The following SPRING1 variants were observed in gnomAD, a reference collection of about 807,000 sequenced individuals.
The protein encoded by SPRING1 is SREBF pathway regulator in golgi 1.
SPRING1 carries 14 observed loss-of-function variants against 24.7 expected under a neutral mutation model. The observed-to-expected ratio is 0.57, with a 90% confidence interval of 0.37 to 0.88. SPRING1 has a LOEUF of 0.88. SPRING1 is among the 40% of genes least tolerant of loss of function. SPRING1 has a pLI of 0.00. For missense variants in SPRING1, 255 were observed against 268.4 expected (o/e 0.95, Z 0.35); for synonymous variants, 93 against 106.1 (o/e 0.88, Z 0.76).
chr12:116,731,105 A>G (rs1870954162), intron 1 of SPRING1, among the ~76,000 whole-genome samples: 1 of 152,252 alleles, frequency 6.6e-6, no homozygotes, highest in Non-Finnish European at 1.5e-5. Context: ...TTCATTCTAC[A>G]GGAAAGATAT....
At position 116,731,323 on chromosome 12, in the gene SPRING1, G is replaced by A. The variant is rs77724465; in HGVS notation, c.111+6467C>T. On this transcript the variant is annotated intron_variant, in intron 1 of 4. Transcript: ENST00000261318. ...CCATCAGTGGAAGTGTCAACAAGGT[G>A]AAAAAAGCAAATAACATTTTGTCGT... 5.4e-3 allele frequency among the ~76,000 whole-genome samples: 821 copies of A among 152,272 alleles called. 3 individuals are homozygous for A. Among genetic ancestry groups the A allele is most frequent in the African/African-American group, 0.019 (775 of 41,562 alleles).
intron 1 of SPRING1, among the ~76,000 whole-genome samples, chr12:116,736,005 C>T (rs1012716438): frequency 3.9e-5 from 4 of 101,878 alleles, no homozygotes; most frequent in Non-Finnish European, 7.7e-5. Flanking sequence ...CGTCCCACTG[C>T]ACTCCAGCCT....
rs1870802330 is a variant in SPRING1 at position 116,728,334 on chromosome 12, C to G, written c.112-5111G>C. 6.6e-6 allele frequency among the ~76,000 whole-genome samples: 1 copy of G among 152,192 alleles called. No individual in the cohort carries two copies. The highest frequency in any genetic ancestry group is 2.1e-4 in the South Asian group (1 of 4,832). On this transcript the variant is annotated intron_variant, in intron 1 of 4. Coordinates refer to ENST00000261318, the MANE Select transcript of SPRING1 (RefSeq NM_024738.4). This position sits in a 1 kb window ranked among gnomAD's most constrained non-coding sequence, Gnocchi z 4.2. ...ATAGGCTCTTGGAGGGGAGAGACGTCATCTGCTTTGCCCACTCTGTCTCTG... is the reference window on the plus strand; with the variant it reads ...ATAGGCTCTTGGAGGGGAGAGACGTGATCTGCTTTGCCCACTCTGTCTCTG...
At position 116,720,582 on chromosome 12, in the gene SPRING1, T is replaced by G. The variant is rs2270618; in HGVS notation, c.269-135A>C. The stretch of plus-strand genomic sequence containing the variant: ...GGCATCATCCTAAGCACCGGAGAGC[T>G]GGAAACTGGACATAATGTGAGTGGG... On this transcript the variant is annotated intron_variant, in intron 2 of 4. Coordinates refer to ENST00000261318, the MANE Select transcript of SPRING1 (RefSeq NM_024738.4). The surrounding 1 kb of genome is among the most constrained non-coding windows in gnomAD (Gnocchi z 4.0). 2 of 1,184,284 alleles carry G rather than the reference T, an allele frequency of 1.7e-6. No individual in the cohort carries two copies. Among genetic ancestry groups the G allele is most frequent in the African/African-American group, 3.1e-5 (2 of 64,876 alleles). The allele number at this position is 1,184,284 out of a possible 1,614,324, so 73.4% of individuals were successfully genotyped here. A position where few individuals can be genotyped will look rare whatever the true frequency, so the allele number is the denominator to read the frequency against.
At position 116,728,641 on chromosome 12, in the gene SPRING1, C is replaced by T. The variant is rs887956109; in HGVS notation, c.112-5418G>A. 2.0e-5 allele frequency among the ~76,000 whole-genome samples: 3 copies of T among 152,250 alleles called. No individual in the cohort carries two copies. The highest frequency in any genetic ancestry group is 7.2e-5 in the African/African-American group (3 of 41,470). ...CTGCGCCATGAGTTTCCAGTCTCAC[C>T]GCAGCGGAGCTAAGGTGCACGGGGA... On this transcript the variant is annotated intron_variant, in intron 1 of 4. Transcript: ENST00000261318. The surrounding 1 kb of genome is among the most constrained non-coding windows in gnomAD (Gnocchi z 4.2).
In SPRING1 at chr12:116,735,830, G is replaced by A. The variant is rs541500871; in HGVS notation, c.111+1960C>T. On this transcript the variant is annotated intron_variant, in intron 1 of 4. Coordinates refer to ENST00000261318, the MANE Select transcript of SPRING1 (RefSeq NM_024738.4). ...TGAGGTGGGTGGATCACCTGAGGTC[G>A]GGAGTTCAAGACCAGCCATGACCAA... Among the ~76,000 whole-genome samples the A allele has an allele frequency of 2.1e-4, 31 of 151,006 alleles. No homozygotes were observed. In the East Asian group the frequency reaches 3.9e-3, roughly 19 times the overall value.
Position 116,712,283 on chromosome 12 carries a change from A to T in SPRING1, c.*5527T>A, listed in dbSNP as rs1466375214. ...CATCAGGGACTGAGTCGTACACAGG[A>T]AGATCACTGAGTAGGTTCTGTGGAG... On this transcript the variant is annotated 3_prime_UTR_variant, in exon 5 of 5. Coordinates refer to ENST00000261318, the MANE Select transcript of SPRING1 (RefSeq NM_024738.4). 6.6e-6 allele frequency: 1 copy of T among 152,254 alleles called. No individual in the cohort carries two copies. 9.4% of individuals were successfully genotyped at this position (152,254 alleles called of 1,614,324 possible).
In SPRING1 at chr12:116,720,288, C is replaced by A; in HGVS notation, c.420+8G>T. ...AGGAGCCGCAGAACCAGGATCAACT[C>A]CCCATACCTTGTTGGGCTGCAGGCA... On this transcript the variant is annotated splice_region_variant and intron_variant, in intron 3 of 4. Coordinates refer to ENST00000261318, the MANE Select transcript of SPRING1 (RefSeq NM_024738.4). This position sits in a 1 kb window ranked among gnomAD's most constrained non-coding sequence, Gnocchi z 4.0. 6.2e-7 allele frequency: 1 copy of A among 1,605,984 alleles called. No individual in the cohort carries two copies. Among genetic ancestry groups the A allele is most frequent in the South Asian group, 1.1e-5 (1 of 89,768 alleles).
In SPRING1 at chr12:116,736,041, A is replaced by T. The variant is rs1421838358; in HGVS notation, c.111+1749T>A. 0.038 allele frequency among the ~76,000 whole-genome samples: 110 copies of T among 2,874 alleles called. 3 individuals carry two copies. In the East Asian group the frequency reaches 0.4, roughly 10 times the overall value. The allele number at this position is 2,874 out of a possible 152,430, so 1.9% of individuals were successfully genotyped here. The stretch of plus-strand genomic sequence containing the variant: ...GGGCAAGAGCAAAACTCAGTCTTTA[A>T]AAAAAAAAAAAAAAAAAAAAAAAAA... On this transcript the variant is annotated intron_variant, in intron 1 of 4. Coordinates refer to ENST00000261318, the MANE Select transcript of SPRING1 (RefSeq NM_024738.4).
Position 116,737,940 on chromosome 12 carries a change from C to T in SPRING1, c.-40G>A, listed in dbSNP as rs771997715. 174 of 1,384,272 alleles carry T rather than the reference C, an allele frequency of 1.3e-4. 1 individual carries two copies. Among genetic ancestry groups the T allele is most frequent in the Non-Finnish European group, 1.2e-4 (128 of 1,067,670 alleles). The allele number at this position is 1,384,272 out of a possible 1,614,324, so 85.7% of individuals were successfully genotyped here. On this transcript the variant is annotated 5_prime_UTR_variant, in exon 1 of 5. Transcript: ENST00000261318. ...GGGGCGCGGCGGCCGGGGCGCGGAA[C>T]GCGGCAGGCCCGGGTCCCGGGCGGC...
At chr12:116,734,972 T>C (rs913979488) in intron 1 of SPRING1, among the ~76,000 whole-genome samples, 1 of 152,116 alleles carries the variant, frequency 6.6e-6, no homozygotes, top group Non-Finnish European at 1.5e-5. Context: ...AAGACAAGAA[T>C]GGAAGCAGAG....
intron 4 of SPRING1, 140 bp downstream of exon 4, chr12:116,719,621 CAT>C: frequency 1.6e-6 from 1 of 636,650 alleles, no homozygotes; most frequent in Non-Finnish European, 2.7e-6. Context: ...TAAATACTAT[CAT>C]CACACCAAAC....
At chr12:116,718,778 T>C (rs989370141) in intron 4 of SPRING1, among the ~76,000 whole-genome samples, 1 of 152,242 alleles carries the variant, frequency 6.6e-6, no homozygotes, top group Non-Finnish European at 1.5e-5. Context: ...AAATGAGTCA[T>C]GTGTTCAGCC....
chr12:116,734,919 C>T (rs1358341904), intron 1 of SPRING1, among the ~76,000 whole-genome samples: 1 of 152,138 alleles, frequency 6.6e-6, no homozygotes, highest in Admixed American at 6.5e-5. Flanking sequence ...CATGATGATC[C>T]CATCTTTTTA....
chr12:116,727,184 A>C (rs930618683), intron 1 of SPRING1, among the ~76,000 whole-genome samples: 1 of 152,222 alleles, frequency 6.6e-6, no homozygotes, highest in African/African-American at 2.4e-5. Flanking sequence ...ATTCAAAGAT[A>C]TCTAGTTCTT....
chr12:116,738,016 C>A lies in SPRING1; in HGVS notation c.-116G>T. ...CATCCCTCCAGGCAGGCGCCGGCCC[C>A]GCCGCCCGCAGCCCAGTCTGCTCCC... On this transcript the variant is annotated 5_prime_UTR_variant, in exon 1 of 5. Coordinates refer to ENST00000261318, the MANE Select transcript of SPRING1 (RefSeq NM_024738.4). The A allele has an allele frequency of 9.0e-7, 1 of 1,116,066 alleles. No individual in the cohort carries two copies. 69.1% of individuals were successfully genotyped at this position (1,116,066 alleles called of 1,614,324 possible). A position where few individuals can be genotyped will look rare whatever the true frequency, so the allele number is the denominator to read the frequency against.
At position 116,713,699 on chromosome 12, in the gene SPRING1, A is replaced by C. The variant is rs1023989679; in HGVS notation, c.*4111T>G. The C allele has an allele frequency of 7.2e-5, 11 of 152,228 alleles. No individual in the cohort carries two copies. Among genetic ancestry groups the C allele is most frequent in the African/African-American group, 2.4e-4 (10 of 41,446 alleles). The allele number at this position is 152,228 out of a possible 1,614,324, so 9.4% of individuals were successfully genotyped here. A position where few individuals can be genotyped will look rare whatever the true frequency, so the allele number is the denominator to read the frequency against. On this transcript the variant is annotated 3_prime_UTR_variant, in exon 5 of 5. Coordinates refer to ENST00000261318, the MANE Select transcript of SPRING1 (RefSeq NM_024738.4). ...AGTTAATGTCCTCAGCAGGGAATTA[A>C]TAATATTATTGTATATTCATGAAAT...
intron 1 of SPRING1, among the ~76,000 whole-genome samples, chr12:116,735,199 G>A (rs552547384): frequency 2.6e-5 from 4 of 152,148 alleles, no homozygotes; most frequent in African/African-American, 7.2e-5. Flanking sequence ...GGGAAGACTC[G>A]GGGAGGAACA....
intron 1 of SPRING1, among the ~76,000 whole-genome samples, chr12:116,734,144 T>C (rs748496449): frequency 1.5e-4 from 23 of 152,228 alleles, no homozygotes; most frequent in Non-Finnish European, 2.9e-4. Context: ...CCCAAACTGC[T>C]AGGATTACAG....
Sources: gnomAD v4.1 joint callset for allele counts (sites outside exome capture counted in the v4.1 genomes callset) on GRCh38, gnomAD v4.1.1 for gene constraint, Gnocchi (gnomAD v3.1) non-coding constraint, MANE v1.5 for transcripts, NCBI Gene and HGNC (gene_info 2026-07-23, HGNC 2026-07-21) for gene names.